Variants in KHDRBS2 observed in about 807,000 individuals in gnomAD.
The protein encoded by KHDRBS2 is KH domain-containing, RNA-binding, signal transduction-associated protein 2.
Under a neutral mutation model 44.3 loss-of-function variants are expected in KHDRBS2, and 26 were observed. That is an observed-to-expected ratio of 0.59 (90% CI 0.43 to 0.81). The LOEUF is 0.81. KHDRBS2 is among the 40% of genes least tolerant of loss of function. KHDRBS2 has a pLI of 0.00. For synonymous variants in KHDRBS2, 194 were observed against 151.1 expected, an observed-to-expected ratio of 1.28 and a Z score of -2.08; for missense variants, 476 against 433.1, an observed-to-expected ratio of 1.10 and a Z score of -0.88.
intron 6 of KHDRBS2, among the ~76,000 whole-genome samples, chr6:61,888,919 T>G (rs1425319326): frequency 6.6e-6 from 1 of 152,088 alleles, no homozygotes; most frequent in Admixed American, 6.6e-5. Flanking sequence ...CAGGATTTTA[T>G]GAACCTATAT....
chr6:61,998,267 A>T (rs932812209), intron 3 of KHDRBS2, among the ~76,000 whole-genome samples: 4 of 152,176 alleles, frequency 2.6e-5, no homozygotes, highest in Non-Finnish European at 4.4e-5. Context: ...AAATTGAATT[A>T]ATTCACTGAA....
At chr6:62,019,855 A>G (rs544700551) in intron 3 of KHDRBS2, among the ~76,000 whole-genome samples, 1 of 151,144 alleles carries the variant, frequency 6.6e-6, no homozygotes, top group South Asian at 2.1e-4. Context: ...CAGGTTTATC[A>G]ATTTTGTTGA....
intron 1 of KHDRBS2, among the ~76,000 whole-genome samples, chr6:62,266,880 T>G (rs1259469489): frequency 6.6e-6 from 1 of 152,040 alleles, no homozygotes; most frequent in Non-Finnish European, 1.5e-5. Context: ...TGTTTTTAAT[T>G]TATACATAAT....
the KHDRBS2 span, among the ~76,000 whole-genome samples, chr6:61,647,215 T>C: frequency 6.6e-6 from 1 of 152,174 alleles, no homozygotes. Context: ...TGAAAAATGA[T>C]GGTGAAAGTA....
intron 6 of KHDRBS2, among the ~76,000 whole-genome samples, chr6:61,859,828 C>T (rs1796664160): frequency 6.6e-6 from 1 of 151,696 alleles, no homozygotes; most frequent in South Asian, 2.1e-4. Context: ...TAAAATTTGA[C>T]CAAACTGGAA....
chr6:62,070,446 G>A (rs866390510), intron 2 of KHDRBS2, among the ~76,000 whole-genome samples: 3 of 151,410 alleles, frequency 2.0e-5, no homozygotes, highest in South Asian at 2.1e-4. Context: ...CCATTAACTC[G>A]TCATTTAACA....
At chr6:61,884,819 T>G (rs1333419209) in intron 6 of KHDRBS2, among the ~76,000 whole-genome samples, 3 of 151,942 alleles carry the variant, frequency 2.0e-5, no homozygotes, top group African/African-American at 7.3e-5. Flanking sequence ...CAGTCAGTTT[T>G]TTCTTTAAAC....
intron 3 of KHDRBS2, among the ~76,000 whole-genome samples, chr6:62,018,626 T>C (rs1781696371): frequency 6.6e-6 from 1 of 151,988 alleles, no homozygotes; most frequent in African/African-American, 2.4e-5. Flanking sequence ...ATTACAGGCG[T>C]GAGCCACCGC....
At chr6:62,050,491 G>A (rs1005132960) in intron 2 of KHDRBS2, among the ~76,000 whole-genome samples, 2 of 150,674 alleles carry the variant, frequency 1.3e-5, no homozygotes, top group Non-Finnish European at 3.0e-5. Flanking sequence ...TTAAAAAATT[G>A]AATAGATAAG....
intron 6 of KHDRBS2, among the ~76,000 whole-genome samples, chr6:61,765,038 G>A (rs554332637): frequency 3.0e-4 from 46 of 152,078 alleles, no homozygotes; most frequent in African/African-American, 9.6e-4. Context: ...TTCTTCAATC[G>A]AACTTCAAAT....
intron 8 of KHDRBS2, among the ~76,000 whole-genome samples, chr6:61,688,979 T>C (rs1767094201): frequency 6.6e-6 from 1 of 151,944 alleles, no homozygotes; most frequent in African/African-American, 2.4e-5. Context: ...AACCATAATA[T>C]TAGAGTTTGG....
intron 2 of KHDRBS2, among the ~76,000 whole-genome samples, chr6:62,068,314 T>A (rs1794219586): frequency 6.6e-6 from 1 of 151,592 alleles, no homozygotes; most frequent in Admixed American, 6.6e-5. Flanking sequence ...GACTTTTATA[T>A]ACCTTCCTTG....
intron 2 of KHDRBS2, among the ~76,000 whole-genome samples, chr6:62,171,845 G>A (rs1350958986): frequency 6.6e-6 from 1 of 151,972 alleles, no homozygotes; most frequent in Non-Finnish European, 1.5e-5. Flanking sequence ...ATAAGCAAAG[G>A]AGAAATAAGA....
intron 6 of KHDRBS2, among the ~76,000 whole-genome samples, chr6:61,738,221 C>A (rs576491740): frequency 6.6e-6 from 1 of 151,882 alleles, no homozygotes; most frequent in African/African-American, 2.4e-5. Flanking sequence ...AGAGCACATC[C>A]GATGTGTCCA....
At chr6:62,142,352 C>A (rs921085730) in intron 2 of KHDRBS2, among the ~76,000 whole-genome samples, 2 of 152,030 alleles carry the variant, frequency 1.3e-5, no homozygotes, top group African/African-American at 4.8e-5. Flanking sequence ...TGAAAATTTG[C>A]TGATTAATAT....
intron 6 of KHDRBS2, among the ~76,000 whole-genome samples, chr6:61,855,430 A>G (rs1186099955): frequency 2.0e-5 from 3 of 151,690 alleles, no homozygotes; most frequent in Non-Finnish European, 4.4e-5. Context: ...TGGTAATGAT[A>G]ATAATAGGTG....
chr6:61,658,574 C>G, the KHDRBS2 span, among the ~76,000 whole-genome samples: 1 of 151,884 alleles, frequency 6.6e-6, no homozygotes, highest in East Asian at 1.9e-4. Context: ...ACCTCAAAAT[C>G]ACCTGTGGAA....
At chr6:61,646,884 A>T in the KHDRBS2 span, among the ~76,000 whole-genome samples, 5 of 151,998 alleles carry the variant, frequency 3.3e-5, no homozygotes, top group East Asian at 3.9e-4. Flanking sequence ...CAGTGGCGTG[A>T]TCTTGGCTCA....
At chr6:61,782,085 C>A (rs2127581734) in intron 6 of KHDRBS2, among the ~76,000 whole-genome samples, 1 of 152,208 alleles carries the variant, frequency 6.6e-6, no homozygotes, top group South Asian at 2.1e-4. Context: ...CATATATTAG[C>A]AAATCAGTAT....
Sources: allele counts gnomAD v4.1 joint callset (sites outside exome capture counted in the v4.1 genomes callset), GRCh38; gene constraint gnomAD v4.1.1; transcripts MANE v1.5; gene names NCBI Gene and HGNC (gene_info 2026-07-23, HGNC 2026-07-21).